Variants in SLC16A2 observed in about 807,000 individuals in gnomAD.
SLC16A2 encodes the protein solute carrier family 16 member 2.
Under a neutral mutation model 27.2 loss-of-function variants are expected in SLC16A2, and 3 were observed. The ratio of observed to expected loss-of-function variants is 0.11; its 90% CI spans 0.05 to 0.28. SLC16A2 has a LOEUF of 0.28. Among genes scored for constraint, SLC16A2 ranks in the 10% least tolerant of loss-of-function variants. SLC16A2 has a pLI of 1.00. For missense variants in SLC16A2, 295 were observed against 458.5 expected (o/e 0.64, Z 3.26); for synonymous variants, 202 against 187.8 (o/e 1.08, Z -0.62).
intron 1 of SLC16A2, among the ~76,000 whole-genome samples, chrX:74,441,451 C>T (rs1928747199): frequency 8.9e-6 from 1 of 112,017 alleles, no homozygotes; most frequent in African/African-American, 3.2e-5. Context: ...GCTGCTAATC[C>T]ATGCATTGGA....
chrX:74,457,361 G>A (rs1342140851), intron 1 of SLC16A2, among the ~76,000 whole-genome samples: 1 of 110,582 alleles, frequency 9.0e-6, no homozygotes, highest in Non-Finnish European at 1.9e-5. Flanking sequence ...TGTCTATGAG[G>A]AGACCTAAAG....
intron 1 of SLC16A2, among the ~76,000 whole-genome samples, chrX:74,482,140 T>C (rs1267562621): frequency 1.8e-5 from 2 of 111,576 alleles, no homozygotes; most frequent in African/African-American, 6.5e-5. Flanking sequence ...TTTTAGCTTC[T>C]ATTCTTTCTG....
rs190290920 is a variant in SLC16A2, at chrX:74,478,413, G to A, written c.431-42577G>A. Among the ~76,000 whole-genome samples, 61 of 111,465 alleles carry A rather than the reference G, an allele frequency of 5.5e-4. 1 individual carries two copies. Among genetic ancestry groups the A allele is most frequent in the Non-Finnish European group, 7.7e-4 (41 of 53,117 alleles). ...ACATGAGATGGGTTTCCTGAATACA[G>A]CACACTGATGACTCTTTATCCAATT... On this transcript the variant is annotated intron_variant, in intron 1 of 5. Coordinates refer to ENST00000587091, the MANE Select transcript of SLC16A2 (RefSeq NM_006517.5).
chrX:74,473,336 C>A, intron 1 of SLC16A2: 1 of 548,295 alleles, frequency 1.8e-6, no homozygotes, highest in Non-Finnish European at 3.3e-6. Flanking sequence ...CCTCCATGAC[C>A]ATGATCAAAG....
At chrX:74,505,801 G>T (rs746433579) in intron 1 of SLC16A2, among the ~76,000 whole-genome samples, 1 of 112,006 alleles carries the variant, frequency 8.9e-6, no homozygotes, top group East Asian at 2.8e-4. Flanking sequence ...GTCCCATTGG[G>T]GTGCCTGCTG....
chrX:74,450,219 A>G (rs1928914063), intron 1 of SLC16A2, among the ~76,000 whole-genome samples: 1 of 112,723 alleles, frequency 8.9e-6, no homozygotes, highest in Admixed American at 9.4e-5. Flanking sequence ...CCCAGGGCCT[A>G]GCACAAGGGC....
At chrX:74,449,690 G>A (rs915675396) in intron 1 of SLC16A2, among the ~76,000 whole-genome samples, 11 of 111,346 alleles carry the variant, frequency 9.9e-5, no homozygotes, top group Admixed American at 4.8e-4. Context: ...GCATCTGTGC[G>A]ACTTCTCAGT....
At position 74,463,149 on chromosome X, in the gene SLC16A2, GA is replaced by G. The variant is rs200015521; in HGVS notation, c.430+41092del. On this transcript the variant is annotated intron_variant, in intron 1 of 5. Coordinates refer to ENST00000587091, the MANE Select transcript of SLC16A2 (RefSeq NM_006517.5). ...GGATGGATGGGGACAAAAGAAATGA[GA>G]AAAAAAAAATCGGTGGAGTTTCCAG... is the stretch of plus-strand genomic sequence containing the variant. Among the ~76,000 whole-genome samples, 16 of 108,233 alleles carry G rather than the reference GA, an allele frequency of 1.5e-4. No homozygotes were observed. The South Asian group carries it at 2.0e-3, about 13-fold the overall frequency. 94.0% of individuals were successfully genotyped at this position (108,233 alleles called of 115,157 possible).
chrX:74,525,978 G>A, intron 4 of SLC16A2, 85 bp downstream of exon 4: 1 of 1,064,683 alleles, frequency 9.4e-7, no homozygotes. Context: ...TAGAATGGTA[G>A]CTTGTTGTGT....
At chrX:74,520,083 T>C (rs1251145189) in intron 1 of SLC16A2, among the ~76,000 whole-genome samples, 9 of 112,029 alleles carry the variant, frequency 8.0e-5, no homozygotes, top group Admixed American at 1.9e-4. Flanking sequence ...CTTTGGCCCA[T>C]TGGGGCTCCA....
At chrX:74,451,280 A>C (rs924765657) in intron 1 of SLC16A2, among the ~76,000 whole-genome samples, 1 of 111,908 alleles carries the variant, frequency 8.9e-6, no homozygotes, top group Non-Finnish European at 1.9e-5. Context: ...TGTTTGAGGA[A>C]AGGCAAAGCA....
chrX:74,511,196 T>C (rs1186200385), intron 1 of SLC16A2, among the ~76,000 whole-genome samples: 1 of 111,491 alleles, frequency 9.0e-6, no homozygotes, highest in East Asian at 2.8e-4. Context: ...TTTTATTTTT[T>C]TTTGAGACGG....
intron 1 of SLC16A2, among the ~76,000 whole-genome samples, chrX:74,520,122 G>A (rs896687404): frequency 1.8e-5 from 2 of 112,339 alleles, no homozygotes; most frequent in African/African-American, 6.5e-5. Flanking sequence ...AGTTGGCCCA[G>A]TGCCTAGCTC....
At chrX:74,492,025 G>T (rs1929836804) in intron 1 of SLC16A2, among the ~76,000 whole-genome samples, 1 of 112,377 alleles carries the variant, frequency 8.9e-6, no homozygotes, top group South Asian at 3.7e-4. Flanking sequence ...AGTGGGAGAA[G>T]CCTGGAATTT....
intron 1 of SLC16A2, among the ~76,000 whole-genome samples, chrX:74,444,896 A>T (rs1049174485): frequency 8.9e-6 from 1 of 111,783 alleles, no homozygotes; most frequent in Non-Finnish European, 1.9e-5. Flanking sequence ...TGTAATGTCT[A>T]TGTCCATGAC....
At position 74,421,754 on chromosome X, in the gene SLC16A2, C is replaced by G. The variant is rs764743736; in HGVS notation, c.117C>G (p.Pro39=). 5.3e-6 allele frequency: 6 copies of G among 1,141,520 alleles called. No homozygotes were observed. In the Admixed American group the frequency reaches 7.7e-5, roughly 15 times the overall value. The allele number at this position is 1,141,520 out of a possible 1,213,427, so 94.1% of individuals were successfully genotyped here. A position where few individuals can be genotyped will look rare whatever the true frequency, so the allele number is the denominator to read the frequency against. Residue 39 remains proline, a synonymous_variant, in exon 1 of 6, where the codon CCC becomes CCG. Transcript: ENST00000587091. ...PEPESEPEPE[P]EPEPVPVPPP... is the part of the protein sequence containing the mutation. ...CGGAGTCTGAGCCGGAGCCTGAGCCCGAGCCCGAGCCCGTGCCAGTGCCCC... is the reference window on the plus strand; with the variant it reads ...CGGAGTCTGAGCCGGAGCCTGAGCCGGAGCCCGAGCCCGTGCCAGTGCCCC...
intron 1 of SLC16A2, among the ~76,000 whole-genome samples, chrX:74,500,771 T>C (rs942966861): frequency 3.6e-5 from 4 of 111,388 alleles, no homozygotes; most frequent in Non-Finnish European, 5.6e-5. Flanking sequence ...CAAAATGAGT[T>C]CTAGAGAACA....
chrX:74,518,356 G>C (rs1223331827), intron 1 of SLC16A2, among the ~76,000 whole-genome samples: 1 of 111,948 alleles, frequency 8.9e-6, no homozygotes, highest in East Asian at 2.8e-4. Context: ...CACTTTGGGA[G>C]ACTGAGGCAG....
chrX:74,448,063 C>A, intron 1 of SLC16A2, among the ~76,000 whole-genome samples: 2 of 111,616 alleles, frequency 1.8e-5, no homozygotes, highest in Non-Finnish European at 3.8e-5. Context: ...TTGGTCCAAA[C>A]CTGCCATACA....
Sources: gnomAD v4.1 joint callset for allele counts (sites outside exome capture counted in the v4.1 genomes callset) on GRCh38, gnomAD v4.1.1 for gene constraint, MANE v1.5 for transcripts, NCBI Gene and HGNC (gene_info 2026-07-23, HGNC 2026-07-21) for gene names.